MAPK10: variants seen among roughly 807,000 people sequenced by gnomAD.
MAPK10 encodes the protein mitogen-activated protein kinase 10, also known as JNK3 alpha protein kinase.
In MAPK10, 25 loss-of-function variants were observed where a neutral mutation model predicts 59.3. The ratio of observed to expected loss-of-function variants is 0.42; its 90% CI spans 0.31 to 0.59. MAPK10 has a LOEUF of 0.59. Ranked by LOEUF, MAPK10 falls within the 20% of genes least tolerant of loss-of-function variation. The pLI, the probability that MAPK10 is intolerant of heterozygous loss-of-function variation, is 0.15. For missense variants in MAPK10, 351 were observed against 568.9 expected (o/e 0.62, Z 3.90); for synonymous variants, 190 against 200.5 (o/e 0.95, Z 0.44).
At chr4:86,469,738 G>C (rs1414465363) in intron 1 of MAPK10, among the ~76,000 whole-genome samples, 1 of 152,168 alleles carries the variant, frequency 6.6e-6, no homozygotes, top group Non-Finnish European at 1.5e-5. Context: ...TCACCAGGAT[G>C]TGCCCAAAGA....
At chr4:86,123,531 A>G (rs1165147493) in intron 4 of MAPK10, among the ~76,000 whole-genome samples, 1 of 152,040 alleles carries the variant, frequency 6.6e-6, no homozygotes, top group East Asian at 1.9e-4. Flanking sequence ...CCTTGCTTAC[A>G]TCAACATTGC....
At chr4:86,436,165 C>T (rs62308367) in intron 1 of MAPK10, among the ~76,000 whole-genome samples, 1,581 of 152,238 alleles carry the variant, frequency 0.01, 19 homozygotes, top group Non-Finnish European at 0.014. Context: ...CTTCTGGCAA[C>T]CTCAGTCACT....
chr4:86,192,827 T>C (rs1274006892), intron 3 of MAPK10: 1 of 151,824 alleles, frequency 6.6e-6, no homozygotes, highest in East Asian at 2.0e-4. Flanking sequence ...TGGCGAGGAG[T>C]TGTGATCCTT....
intron 4 of MAPK10, among the ~76,000 whole-genome samples, chr4:86,112,056 G>A (rs1329661614): frequency 6.6e-6 from 1 of 151,138 alleles, no homozygotes; most frequent in Non-Finnish European, 1.5e-5. Context: ...TCTGTGGGGT[G>A]ATAACCCCTT....
chr4:86,209,065 C>G (rs1182540079), intron 2 of MAPK10, among the ~76,000 whole-genome samples: 2 of 151,954 alleles, frequency 1.3e-5, no homozygotes, highest in African/African-American at 4.8e-5. Flanking sequence ...TCAATGGTTC[C>G]ACTTGTATGT....
At chr4:86,500,549 C>T (rs897892959) in intron 1 of MAPK10, among the ~76,000 whole-genome samples, 4 of 152,126 alleles carry the variant, frequency 2.6e-5, no homozygotes, top group African/African-American at 9.7e-5. Context: ...TACACCTATG[C>T]TCCTTTCTCT....
At chr4:86,378,985 C>T (rs2148999433) in intron 1 of MAPK10, among the ~76,000 whole-genome samples, 1 of 152,250 alleles carries the variant, frequency 6.6e-6, no homozygotes, top group South Asian at 2.1e-4. Context: ...GCGGCATATG[C>T]TCAAGGGAGC....
chr4:86,193,869 C>T (rs536404018), intron 3 of MAPK10: 1 of 158,980 alleles, frequency 6.3e-6, no homozygotes, highest in Non-Finnish European at 1.4e-5. Context: ...GCTTGAAACC[C>T]AGGACCCTTG....
At chr4:86,183,792 C>A (rs1198409069) in intron 3 of MAPK10, among the ~76,000 whole-genome samples, 2 of 152,194 alleles carry the variant, frequency 1.3e-5, no homozygotes, top group African/African-American at 4.8e-5. Flanking sequence ...CACATCCTCT[C>A]CAGCACCTGT....
At chr4:86,380,947 G>A (rs1381538063) in intron 1 of MAPK10, among the ~76,000 whole-genome samples, 1 of 151,906 alleles carries the variant, frequency 6.6e-6, no homozygotes, top group East Asian at 1.9e-4. Context: ...GCAGAGCTGG[G>A]AACTGTCTAA....
intron 11 of MAPK10, among the ~76,000 whole-genome samples, chr4:86,034,510 G>T (rs1202133861): frequency 3.3e-5 from 5 of 152,086 alleles, no homozygotes; most frequent in Admixed American, 2.0e-4. Flanking sequence ...ATAAATACTA[G>T]AATTTATTTA....
In MAPK10 at chr4:86,098,611, G is replaced by C. The variant is rs773345311; in HGVS notation, c.731-16C>G. On this transcript the variant is annotated splice_polypyrimidine_tract_variant and intron_variant, in intron 8 of 13. Coordinates refer to ENST00000641462, the MANE Select transcript of MAPK10 (RefSeq NM_138982.4). ...CATATATCCACTAGAACAGGAGAGA[G>C]AGGGTAGTGAAGAAAAGGGAGGAAA... 1.3e-6 allele frequency: 2 copies of C among 1,587,814 alleles called. No individual in the cohort carries two copies. The highest frequency in any genetic ancestry group is 4.5e-5 in the East Asian group (2 of 44,754).
At chr4:86,434,662 T>C (rs1207126541) in intron 1 of MAPK10, among the ~76,000 whole-genome samples, 1 of 152,154 alleles carries the variant, frequency 6.6e-6, no homozygotes. Context: ...GGCAAGGATG[T>C]GGAGAAAGGG....
intron 1 of MAPK10, among the ~76,000 whole-genome samples, chr4:86,562,948 T>C (rs1760788080): frequency 6.6e-6 from 1 of 152,220 alleles, no homozygotes; most frequent in Non-Finnish European, 1.5e-5. Context: ...CTGCTCTCTG[T>C]CATCTAAATG....
At chr4:86,101,830 A>G (rs2055458964) in intron 7 of MAPK10, 64 bp downstream of exon 7, 10 of 1,560,142 alleles carry the variant, frequency 6.4e-6, no homozygotes, top group Non-Finnish European at 8.8e-6. Context: ...TATAAAGAAA[A>G]TAATCTACAG....
At chr4:86,181,529 C>T (rs1022903320) in intron 3 of MAPK10, among the ~76,000 whole-genome samples, 1 of 151,990 alleles carries the variant, frequency 6.6e-6, no homozygotes, top group Admixed American at 6.6e-5. Context: ...ATAATGAAAA[C>T]ATAATTAAAT....
At chr4:86,047,199 G>C (rs1235649869) in intron 11 of MAPK10, among the ~76,000 whole-genome samples, 1 of 152,030 alleles carries the variant, frequency 6.6e-6, no homozygotes, top group African/African-American at 2.4e-5. Flanking sequence ...TTTAGTGCCA[G>C]GTTACACACG....
At chr4:86,085,620 A>G (rs907590647) in intron 9 of MAPK10, among the ~76,000 whole-genome samples, 6 of 152,188 alleles carry the variant, frequency 3.9e-5, no homozygotes, top group African/African-American at 1.4e-4. Flanking sequence ...AGATGTGGAG[A>G]AAAGGGAACA....
intron 3 of MAPK10, among the ~76,000 whole-genome samples, chr4:86,174,181 T>C (rs1004778034): frequency 2.0e-5 from 3 of 152,204 alleles, no homozygotes; most frequent in Non-Finnish European, 2.9e-5. Context: ...CATATGTTTA[T>C]TGCAGTATTA....
Sources: allele counts gnomAD v4.1 joint callset (sites outside exome capture counted in the v4.1 genomes callset), GRCh38; gene constraint gnomAD v4.1.1; transcripts MANE v1.5; gene names NCBI Gene and HGNC (gene_info 2026-07-23, HGNC 2026-07-21).